ZDHHC11: variants seen among roughly 807,000 people sequenced by gnomAD.
ZDHHC11 encodes the protein zDHHC palmitoyltransferase 11.
Under a neutral mutation model 51.3 loss-of-function variants are expected in ZDHHC11, and 44 were observed. The ratio of observed to expected loss-of-function variants is 0.86; its 90% CI spans 0.67 to 1.10. The LOEUF is 1.10. Ranked by LOEUF, ZDHHC11 falls within the 50% of genes least tolerant of loss-of-function variation. The pLI is 0.00. For synonymous variants in ZDHHC11, 163 were observed against 222.0 expected, an observed-to-expected ratio of 0.73 and a Z score of 2.36; for missense variants, 400 against 537.7, an observed-to-expected ratio of 0.74 and a Z score of 2.53.
chr5:813,762 C>T (rs1447469058), intron 11 of ZDHHC11, among the ~76,000 whole-genome samples: 2 of 146,006 alleles, frequency 1.4e-5, no homozygotes, highest in African/African-American at 5.4e-5. Context: ...CCTGTGGGGC[C>T]GGCTGGGACT....
intron 12 of ZDHHC11, among the ~76,000 whole-genome samples, chr5:798,425 A>G (rs1264707189): frequency 6.6e-6 from 1 of 151,558 alleles, no homozygotes; most frequent in South Asian, 2.1e-4. Context: ...GTGCACACAC[A>G]CACCCTTAAC....
chr5:823,864 C>T (rs1331018930), intron 8 of ZDHHC11: 6 of 353,956 alleles, frequency 1.7e-5, no homozygotes, highest in Non-Finnish European at 2.8e-5. Context: ...CCCATGAGCC[C>T]GTGTGCCACA....
intron 6 of ZDHHC11, among the ~76,000 whole-genome samples, chr5:834,692 A>G (rs1487154289): frequency 6.6e-6 from 1 of 152,292 alleles, no homozygotes; most frequent in African/African-American, 2.4e-5. Flanking sequence ...TTTTTTCACA[A>G]ATTGAGGGTT....
At position 850,413 on chromosome 5, in the gene ZDHHC11, G is replaced by C. The variant is rs1747006457; in HGVS notation, c.190C>G (p.Leu64Val). ...SATFGIFIPF[L>V]PHAWKYIAYV... ...GCAATGTATTTCCACGCGTGAGGCA[G>C]GAAGGGAATGAAGATCCCGAAGGTG... The change falls in exon 1 of 13, where the codon CTG becomes GTG. Residue 64 changes from leucine (L) to valine (V), a missense_variant. Physicochemically the swap from Leu to Val is conservative, Grantham distance 32. This residue lies in a region of ZDHHC11 where 119 missense variants were observed against 99.6 expected (regional missense o/e 1.20). Transcript: ENST00000283441. 1 of 1,613,522 alleles carries C rather than the reference G, an allele frequency of 6.2e-7. No individual in the cohort carries two copies. The highest frequency in any genetic ancestry group is 1.7e-5 in the Admixed American group (1 of 60,010).
At chr5:847,135 A>C (rs1746366303) in intron 3 of ZDHHC11, among the ~76,000 whole-genome samples, 1 of 151,590 alleles carries the variant, frequency 6.6e-6, no homozygotes, top group African/African-American at 2.4e-5. Flanking sequence ...CCTCTCGCCC[A>C]TCTGCGCTGG....
At chr5:816,929 C>G (rs934302779) in intron 10 of ZDHHC11, 28 of 391,966 alleles carry the variant, frequency 7.1e-5, no homozygotes, top group African/African-American at 5.6e-4. Flanking sequence ...CAGTGGGAGA[C>G]TGGTCATGGA....
At position 850,365 on chromosome 5, in the gene ZDHHC11, A is replaced by C; in HGVS notation, c.222+16T>G. 2 of 1,612,808 alleles carry C rather than the reference A, an allele frequency of 1.2e-6. No homozygotes were observed. The highest frequency in any genetic ancestry group is 1.6e-4 in the Middle Eastern group (1 of 6,062). On this transcript the variant is annotated intron_variant, in intron 1 of 12. Transcript: ENST00000283441. Reference sequence around the variant, plus strand: ...GAACCCCTCCCGCTTAGACCATGCCACGATGAAAAGGATACCACGTAGGCA... The same window carrying C: ...GAACCCCTCCCGCTTAGACCATGCCCCGATGAAAAGGATACCACGTAGGCA...
In ZDHHC11 at chr5:796,390, T is replaced by C. The variant is rs1440587934; in HGVS notation, c.*198A>G. ...GGTGTGATGAAGATGATGACAGAGA[T>C]GGATGCTGGGCTCTGAGGGTCCTGG... On this transcript the variant is annotated 3_prime_UTR_variant, in exon 13 of 13. Coordinates refer to ENST00000283441, the MANE Select transcript of ZDHHC11 (RefSeq NM_024786.3). The C allele has an allele frequency of 1.3e-5, 2 of 151,226 alleles. No homozygotes were observed. Among genetic ancestry groups the C allele is most frequent in the African/African-American group, 2.4e-5 (1 of 40,866 alleles). The allele number at this position is 151,226 out of a possible 1,614,324, so 9.4% of individuals were successfully genotyped here. A position where few individuals can be genotyped will look rare whatever the true frequency, so the allele number is the denominator to read the frequency against.
intron 3 of ZDHHC11, among the ~76,000 whole-genome samples, chr5:845,524 G>T (rs1411534431): frequency 6.6e-6 from 1 of 152,184 alleles, no homozygotes; most frequent in Non-Finnish European, 1.5e-5. Flanking sequence ...CGAGGCCAGC[G>T]CTCACAGTCT....
chr5:834,618 C>T (rs1418393484), intron 6 of ZDHHC11, among the ~76,000 whole-genome samples: 1 of 152,302 alleles, frequency 6.6e-6, no homozygotes, highest in African/African-American at 2.4e-5. Flanking sequence ...TTGCCTGTGG[C>T]TTGCACAGGA....
chr5:829,383 C>G (rs1293079757), intron 7 of ZDHHC11, among the ~76,000 whole-genome samples: 1 of 151,888 alleles, frequency 6.6e-6, no homozygotes, highest in African/African-American at 2.4e-5. Context: ...GTTATGCACA[C>G]AAACTAGAAA....
upstream of ZDHHC11, among the ~76,000 whole-genome samples, chr5:851,452 G>A (rs936606828): frequency 1.3e-5 from 2 of 152,210 alleles, no homozygotes; most frequent in Admixed American, 6.5e-5. Context: ...CTACAGAGGA[G>A]GGTTAGGAAG....
upstream of ZDHHC11, among the ~76,000 whole-genome samples, chr5:859,669 C>G (rs1415096354): frequency 6.6e-6 from 1 of 152,198 alleles, no homozygotes; most frequent in Non-Finnish European, 1.5e-5. Context: ...GTTTCACTGG[C>G]CATCCTCTGA....
rs1741859457 is a variant in ZDHHC11 at position 823,648 on chromosome 5, G to T, written c.1023+1516C>A. 5 of 171,066 alleles carry T rather than the reference G, an allele frequency of 2.9e-5. No homozygotes were observed. The Admixed American group carries it at 2.9e-4, about 10-fold the overall frequency. The allele number at this position is 171,066 out of a possible 1,614,324, so 10.6% of individuals were successfully genotyped here. On this transcript the variant is annotated intron_variant, in intron 8 of 12. Transcript: ENST00000283441. ...TCCCCGATGTGAACAATGAACGACG[G>T]TGTCACTTTCATAGGATTGTCCTGG...
chr5:798,149 C>G (rs1301858919), intron 12 of ZDHHC11, among the ~76,000 whole-genome samples: 1 of 150,476 alleles, frequency 6.6e-6, no homozygotes, highest in African/African-American at 2.5e-5. Flanking sequence ...GGGGCCCTTA[C>G]TTTAAGAGAT....
upstream of ZDHHC11, among the ~76,000 whole-genome samples, chr5:854,844 C>T (rs1318079037): frequency 8.1e-5 from 11 of 135,590 alleles, no homozygotes; most frequent in Admixed American, 1.5e-4. Flanking sequence ...GCACAGACCA[C>T]ACAGAGGACA....
chr5:802,451 T>C (rs1022890184), intron 11 of ZDHHC11, among the ~76,000 whole-genome samples: 2 of 151,182 alleles, frequency 1.3e-5, no homozygotes, highest in African/African-American at 4.9e-5. Flanking sequence ...TGGAGGATTG[T>C]GAGACATACA....
intron 6 of ZDHHC11, among the ~76,000 whole-genome samples, chr5:834,674 A>G (rs1403805545): frequency 6.6e-6 from 1 of 152,302 alleles, no homozygotes; most frequent in Non-Finnish European, 1.5e-5. Flanking sequence ...CACTTCACAG[A>G]TACTGTGTTT....
At chr5:850,192 A>G (rs1325548292) in intron 1 of ZDHHC11, 189 bp downstream of exon 1, 2 of 663,070 alleles carry the variant, frequency 3.0e-6, no homozygotes, top group Non-Finnish European at 5.1e-6. Context: ...TCCTGTCCTG[A>G]CCCTAAGCAG....
Sources: allele counts gnomAD v4.1 joint callset (sites outside exome capture counted in the v4.1 genomes callset), GRCh38; gene constraint gnomAD v4.1.1; regional missense constraint gnomAD v4.1.1; transcripts MANE v1.5; gene names NCBI Gene and HGNC (gene_info 2026-07-23, HGNC 2026-07-21).